KATNA1: variants seen among roughly 807,000 people sequenced by gnomAD.
KATNA1 encodes katanin p60 ATPase-containing subunit A1.
KATNA1 carries 42 observed loss-of-function variants against 62.6 expected under a neutral mutation model. The observed-to-expected ratio is 0.67, with a 90% CI of 0.52 to 0.87. The LOEUF (loss-of-function observed/expected upper bound fraction) is 0.87, where lower values mean the gene tolerates loss of function less well. Among genes scored for constraint, KATNA1 ranks in the 40% least tolerant of loss-of-function variants. KATNA1 has a pLI of 0.00. For synonymous variants in KATNA1, 186 were observed against 201.9 expected (o/e 0.92, Z 0.67); for missense variants, 498 against 612.5 (o/e 0.81, Z 1.97).
At chr6:149,629,862 G>A (rs951609171) in intron 3 of KATNA1, among the ~76,000 whole-genome samples, 1 of 152,132 alleles carries the variant, frequency 6.6e-6, no homozygotes, top group Non-Finnish European at 1.5e-5. Flanking sequence ...AAAATATGAA[G>A]AGCAAATTAC....
chr6:149,645,486 T>C (rs1368957526), intron 1 of KATNA1, among the ~76,000 whole-genome samples: 3 of 148,638 alleles, frequency 2.0e-5, no homozygotes, highest in Admixed American at 6.7e-5. Flanking sequence ...AAAAAAAAGC[T>C]GACTGACTCA....
intron 4 of KATNA1, among the ~76,000 whole-genome samples, chr6:149,610,431 T>C (rs1011852807): frequency 2.0e-5 from 3 of 151,876 alleles, no homozygotes; most frequent in East Asian, 1.9e-4. Context: ...ACAGAACATA[T>C]ACCAAAACAG....
At chr6:149,611,378 C>G (rs1778946118) in intron 4 of KATNA1, among the ~76,000 whole-genome samples, 1 of 148,094 alleles carries the variant, frequency 6.8e-6, no homozygotes, top group Non-Finnish European at 1.5e-5. Context: ...AGGAGAATCA[C>G]TTGAACCTGG....
At chr6:149,648,867 G>A (rs1780588893), upstream of KATNA1, 3 of 152,290 alleles carry the variant, frequency 2.0e-5, no homozygotes, top group Non-Finnish European at 4.4e-5. Flanking sequence ...CCTTGGTGTA[G>A]ATGGTATTAT....
At chr6:149,619,120 C>A (rs1779296355) in intron 4 of KATNA1, among the ~76,000 whole-genome samples, 1 of 151,846 alleles carries the variant, frequency 6.6e-6, no homozygotes, top group African/African-American at 2.4e-5. Flanking sequence ...AGAACTCAAA[C>A]AAGAGCAAAA....
intron 1 of KATNA1, among the ~76,000 whole-genome samples, chr6:149,639,004 G>C (rs1321126923): frequency 1.3e-5 from 2 of 151,726 alleles, no homozygotes; most frequent in Admixed American, 1.3e-4. Context: ...CTCCCAAAGT[G>C]CTGGGATTAC....
intron 10 of KATNA1, among the ~76,000 whole-genome samples, chr6:149,596,424 A>G (rs1483538882): frequency 6.6e-6 from 1 of 152,100 alleles, no homozygotes; most frequent in Non-Finnish European, 1.5e-5. Context: ...AATCCCAGCT[A>G]CTCGGGAGGC....
At chr6:149,628,659 A>G (rs1283199145) in intron 3 of KATNA1, among the ~76,000 whole-genome samples, 2 of 151,868 alleles carry the variant, frequency 1.3e-5, no homozygotes, top group African/African-American at 4.8e-5. Flanking sequence ...GTCTCTACTA[A>G]TAATACAAAA....
intron 3 of KATNA1, among the ~76,000 whole-genome samples, chr6:149,626,292 CTTTT>C (rs544379629): frequency 2.3e-5 from 2 of 88,748 alleles, no homozygotes; most frequent in African/African-American, 1.1e-4. Context: ...ATAACATTTA[CTTTT>C]TTTTTTTTTT....
chr6:149,598,087 C>G (rs1478589874), intron 8 of KATNA1, 137 bp downstream of exon 8: 13 of 912,874 alleles, frequency 1.4e-5, no homozygotes, highest in South Asian at 1.0e-4. Context: ...CTTGCCACCC[C>G]CTCTAGTCCA....
rs1429419038 is a variant in KATNA1, at chr6:149,615,072, G to A, written c.501+8031C>T. On this transcript the variant is annotated intron_variant, in intron 4 of 10. Coordinates refer to ENST00000367411, the MANE Select transcript of KATNA1 (RefSeq NM_007044.4). ...CGCTTGAACCTGGGAGGCTGAGGTC[G>A]CAGTAAGCTGAGATTGTGTCACTGC... Among the ~76,000 whole-genome samples, 5 of 138,904 alleles carry A rather than the reference G, an allele frequency of 3.6e-5. No homozygotes were observed. In the South Asian group the frequency reaches 6.9e-4, roughly 19 times the overall value. The allele number at this position is 138,904 out of a possible 152,430, so 91.1% of individuals were successfully genotyped here.
intron 5 of KATNA1, 77 bp downstream of exon 5, chr6:149,604,584 A>G (rs1778662787): frequency 6.8e-7 from 1 of 1,466,818 alleles, no homozygotes; most frequent in Non-Finnish European, 9.5e-7. Flanking sequence ...GCTCTTCAGT[A>G]CATGCTCACA....
intron 4 of KATNA1, among the ~76,000 whole-genome samples, chr6:149,608,891 G>A (rs1054857163): frequency 2.6e-5 from 4 of 152,172 alleles, no homozygotes; most frequent in Admixed American, 6.5e-5. Flanking sequence ...ACCTGGCAGC[G>A]GTGGCACCCC....
At position 149,601,611 on chromosome 6, in the gene KATNA1, G is replaced by T. The variant is rs756012508; in HGVS notation, c.871C>A (p.Arg291Ser). The change falls in exon 7 of 11, where the codon CGT becomes AGT. Residue 291 changes from arginine (R) to serine (S), a missense_variant. Physicochemically the swap from Arg to Ser is moderately radical, Grantham distance 110. This residue lies in a region of KATNA1 where 267 missense variants were observed against 372.6 expected (regional missense o/e 0.72). Transcript: ENST00000367411. ...ACATTCACCATTTCAAACAGAAGAC[G>T]AACAAGCTTCTCAGATTCTCCTCTG... ...KYRGESEKLVRLLFEMARFYS... is the reference protein window; with the variant it reads ...KYRGESEKLVSLLFEMARFYS... The T allele has an allele frequency of 1.2e-6, 2 of 1,607,462 alleles. No homozygotes were observed. Among genetic ancestry groups the T allele is most frequent in the Non-Finnish European group, 1.7e-6 (2 of 1,177,704 alleles).
intron 4 of KATNA1, among the ~76,000 whole-genome samples, chr6:149,621,756 G>A (rs543677384): frequency 6.6e-6 from 1 of 151,600 alleles, no homozygotes; most frequent in African/African-American, 2.4e-5. Context: ...GCCTCCCAAA[G>A]TGCTGGGATT....
At chr6:149,641,474 C>A (rs972934418) in intron 1 of KATNA1, among the ~76,000 whole-genome samples, 1 of 151,898 alleles carries the variant, frequency 6.6e-6, no homozygotes, top group African/African-American at 2.4e-5. Flanking sequence ...CAGCGCCTGG[C>A]CTGCCTTGGG....
intron 1 of KATNA1, among the ~76,000 whole-genome samples, chr6:149,641,430 C>T (rs1175590463): frequency 6.6e-6 from 1 of 151,996 alleles, no homozygotes; most frequent in Non-Finnish European, 1.5e-5. Context: ...CCCGCCTAGG[C>T]CTCCCAGAGT....
chr6:149,638,312 G>A (rs1333115171), intron 2 of KATNA1, 74 bp downstream of exon 2: 1 of 1,335,920 alleles, frequency 7.5e-7, no homozygotes. Context: ...ACTACATACA[G>A]CATTGACATC....
intron 4 of KATNA1, 149 bp from the exon 5 acceptor site, chr6:149,604,931 T>A (rs1298530722): frequency 1.4e-6 from 1 of 702,912 alleles, no homozygotes; most frequent in Non-Finnish European, 2.4e-6. Flanking sequence ...TCCCAGCACT[T>A]TGGGAGGCCA....
Sources: gnomAD v4.1 joint callset for allele counts (sites outside exome capture counted in the v4.1 genomes callset) on GRCh38, gnomAD v4.1.1 for gene constraint, gnomAD v4.1.1 regional missense constraint, MANE v1.5 for transcripts, NCBI Gene and HGNC (gene_info 2026-07-23, HGNC 2026-07-21) for gene names.